The following CWC27 variants were observed in gnomAD, a reference collection of about 807,000 sequenced individuals.
The protein encoded by CWC27 is CWC27 spliceosome associated cyclophilin.
A neutral mutation model predicts 63.6 loss-of-function variants in CWC27; 47 were observed. The ratio of observed to expected loss-of-function variants is 0.74; its 90% CI spans 0.58 to 0.94. The LOEUF is 0.94. Ranked by LOEUF, CWC27 falls within the 40% of genes least tolerant of loss-of-function variation. The probability of loss-of-function intolerance (pLI) is 0.00; values close to 1 mark genes in which losing one functional copy is unlikely to be tolerated. For missense variants in CWC27, 495 were observed against 554.3 expected (o/e 0.89, Z 1.07); for synonymous variants, 175 against 179.8 (o/e 0.97, Z 0.22).
chr5:64,785,276 A>G (rs1476469291), intron 4 of CWC27, among the ~76,000 whole-genome samples: 1 of 152,164 alleles, frequency 6.6e-6, no homozygotes, highest in East Asian at 1.9e-4. Flanking sequence ...GGAAATTTCC[A>G]AAAAACTTAT....
At chr5:64,987,044 T>G (rs1749448059) in intron 13 of CWC27, among the ~76,000 whole-genome samples, 1 of 151,916 alleles carries the variant, frequency 6.6e-6, no homozygotes, top group South Asian at 2.1e-4. Flanking sequence ...TTCCTCTGTT[T>G]TGTTTTGTTT....
At chr5:64,785,291 G>T (rs1202985617) in intron 4 of CWC27, among the ~76,000 whole-genome samples, 190 bp from the exon 5 acceptor site, 1 of 151,942 alleles carries the variant, frequency 6.6e-6, no homozygotes, top group Admixed American at 6.6e-5. Context: ...ACTTATTGGG[G>T]GATTGAACTC....
At chr5:64,986,691 C>CCA (rs1044190958) in intron 13 of CWC27, among the ~76,000 whole-genome samples, 1 of 151,966 alleles carries the variant, frequency 6.6e-6, no homozygotes, top group Admixed American at 6.6e-5. Context: ...CAGAGCCCCC[C>CCA]CCGGACTGGG....
intron 11 of CWC27, among the ~76,000 whole-genome samples, chr5:64,895,822 C>A (rs1024804268): frequency 7.9e-5 from 12 of 152,056 alleles, no homozygotes; most frequent in African/African-American, 2.7e-4. Context: ...AGCAATTTGC[C>A]ACAGCTAAAA....
chr5:64,843,039 C>T (rs1441038152), intron 10 of CWC27, among the ~76,000 whole-genome samples: 2 of 152,202 alleles, frequency 1.3e-5, no homozygotes, highest in African/African-American at 2.4e-5. Flanking sequence ...GTTAATGTTA[C>T]AAGGTTTACT....
intron 10 of CWC27, among the ~76,000 whole-genome samples, chr5:64,824,776 A>T (rs1580645013): frequency 8.7e-6 from 1 of 115,188 alleles, no homozygotes; most frequent in South Asian, 2.9e-4. Flanking sequence ...TCCGTCGCCC[A>T]GGCTGGAGTG....
rs955774636 is a variant in CWC27, at chr5:64,809,262, C to T, written c.938+4876C>T. ...GATCAGGCTAATTAACGTATTTATC[C>T]ACTTCAGCAACTTACCTTTTTTGTG... On this transcript the variant is annotated intron_variant, in intron 10 of 13. Transcript: ENST00000381070. Among the ~76,000 whole-genome samples the T allele has an allele frequency of 3.3e-5, 5 of 152,166 alleles. No individual in the cohort carries two copies. In the East Asian group the frequency reaches 9.6e-4, roughly 29 times the overall value.
chr5:64,899,198 C>G (rs941920018), intron 11 of CWC27, among the ~76,000 whole-genome samples: 1 of 151,988 alleles, frequency 6.6e-6, no homozygotes, highest in African/African-American at 2.4e-5. Context: ...ACCAAATAGG[C>G]GGTAGTCCAT....
At chr5:64,973,891 C>T (rs746733994) in intron 12 of CWC27, among the ~76,000 whole-genome samples, 65 of 151,854 alleles carry the variant, frequency 4.3e-4, no homozygotes, top group Admixed American at 1.2e-3. Context: ...TTTCATTTTT[C>T]TTTGTGCTTT....
Position 64,971,707 on chromosome 5 carries a change from A to G in CWC27, c.1047A>G (p.Glu349=), listed in dbSNP as rs376501189. 27 of 1,596,028 alleles carry G rather than the reference A, an allele frequency of 1.7e-5. No individual in the cohort carries two copies. In the East Asian group the frequency reaches 4.8e-4, roughly 28 times the overall value. ...AKQAEKRSEE[E]EAPPDGAVAE... is the part of the protein sequence containing the mutation. ...AAATATTCTACTATTCTTTAGAGGAAGAAGCCCCTCCAGATGGTGCTGTTG... is the reference window on the plus strand; with the variant it reads ...AAATATTCTACTATTCTTTAGAGGAGGAAGCCCCTCCAGATGGTGCTGTTG... The change falls in exon 12 of 14, where the codon GAA becomes GAG. Residue 349 remains glutamate, a synonymous_variant. Coordinates refer to ENST00000381070, the MANE Select transcript of CWC27 (RefSeq NM_005869.4).
Position 64,769,061 on chromosome 5 carries a change from A to G in CWC27, c.-86A>G. 2 of 1,088,550 alleles carry G rather than the reference A, an allele frequency of 1.8e-6. No homozygotes were observed. Among genetic ancestry groups the G allele is most frequent in the Non-Finnish European group, 2.8e-6 (2 of 706,752 alleles). The allele number at this position is 1,088,550 out of a possible 1,614,324, so 67.4% of individuals were successfully genotyped here. On this transcript the variant is annotated 5_prime_UTR_variant, in exon 1 of 14. Coordinates refer to ENST00000381070, the MANE Select transcript of CWC27 (RefSeq NM_005869.4). The stretch of plus-strand genomic sequence containing the variant: ...TTTCCTGCACCACTGGACTTAAGGA[A>G]GAGTGTACTCGTAGGCGGACAGCTT...
chr5:64,786,848 G>T (rs1743904065), intron 6 of CWC27, among the ~76,000 whole-genome samples: 1 of 152,166 alleles, frequency 6.6e-6, no homozygotes. Context: ...GTGTGTGGTT[G>T]TATTAGTCCG....
intron 1 of CWC27, among the ~76,000 whole-genome samples, chr5:64,773,391 A>G (rs1172026903): frequency 6.6e-6 from 1 of 152,084 alleles, no homozygotes; most frequent in Non-Finnish European, 1.5e-5. Context: ...TGTTTATATG[A>G]AATGTTTAAT....
intron 10 of CWC27, among the ~76,000 whole-genome samples, chr5:64,810,223 C>G (rs1394166496): frequency 1.3e-5 from 2 of 152,108 alleles, no homozygotes; most frequent in Non-Finnish European, 2.9e-5. Flanking sequence ...GAGTTTATTT[C>G]TATACTTCCT....
At chr5:64,776,068 CG>C (rs1743432026) in intron 2 of CWC27, among the ~76,000 whole-genome samples, 1 of 108,556 alleles carries the variant, frequency 9.2e-6, no homozygotes, top group African/African-American at 3.8e-5. Context: ...AGGAGTGGAG[CG>C]AGAGAGAGAG....
chr5:64,822,025 G>C (rs1257736883), intron 10 of CWC27, among the ~76,000 whole-genome samples: 1 of 152,152 alleles, frequency 6.6e-6, no homozygotes, highest in African/African-American at 2.4e-5. Context: ...AGGTCATGAC[G>C]GGCCTTGTAT....
intron 13 of CWC27, among the ~76,000 whole-genome samples, chr5:64,986,032 C>T (rs1749418349): frequency 6.6e-6 from 1 of 152,068 alleles, no homozygotes; most frequent in African/African-American, 2.4e-5. Context: ...GAGTGAGTCT[C>T]AGGAGATCTG....
In CWC27 at chr5:64,783,865, T is replaced by C. The variant is rs754480843; in HGVS notation, c.282T>C (p.Asn94=). 2 of 1,586,300 alleles carry C rather than the reference T, an allele frequency of 1.3e-6. No homozygotes were observed. The highest frequency in any genetic ancestry group is 1.7e-6 in the Non-Finnish European group (2 of 1,170,076). ...KDEFHSRLRF[N]RRGLVAMANA... ...AATTTCATTCACGGTTGCGTTTTAA[T>C]CGGAGAGGACTGGTTGCCATGGCAA... The change falls in exon 4 of 14, where the codon AAT becomes AAC. Residue 94 remains asparagine (N), a synonymous_variant. Coordinates refer to ENST00000381070, the MANE Select transcript of CWC27 (RefSeq NM_005869.4).
At chr5:64,910,757 C>A (rs1259268120) in intron 11 of CWC27, among the ~76,000 whole-genome samples, 1 of 152,206 alleles carries the variant, frequency 6.6e-6, no homozygotes, top group Non-Finnish European at 1.5e-5. Flanking sequence ...ACCAGCCGAG[C>A]CAGGCACAGG....
Sources: gnomAD v4.1 joint callset for allele counts (sites outside exome capture counted in the v4.1 genomes callset) on GRCh38, gnomAD v4.1.1 for gene constraint, MANE v1.5 for transcripts, NCBI Gene and HGNC (gene_info 2026-07-23, HGNC 2026-07-21) for gene names.